The following GNG12 variants were observed in gnomAD, a reference collection of about 807,000 sequenced individuals.
The protein encoded by GNG12 is G protein subunit gamma 12.
For missense variants in GNG12, 69 were observed against 83.8 expected, an observed-to-expected ratio of 0.82 and a Z score of 0.69; for synonymous variants, 28 against 29.7, an observed-to-expected ratio of 0.94 and a Z score of 0.19.
chr1:67,750,963 C>G (rs905842340), intron 2 of GNG12, among the ~76,000 whole-genome samples: 6 of 152,162 alleles, frequency 3.9e-5, no homozygotes, highest in Admixed American at 1.3e-4. Flanking sequence ...AAAAATAACA[C>G]TAACAGGTAA....
intron 2 of GNG12, among the ~76,000 whole-genome samples, chr1:67,771,798 G>A (rs988486642): frequency 2.0e-5 from 3 of 152,218 alleles, no homozygotes; most frequent in Non-Finnish European, 2.9e-5. Context: ...TTATAATCAT[G>A]TGTATAAATA....
intron 1 of GNG12, among the ~76,000 whole-genome samples, chr1:67,826,855 A>G (rs1647013995): frequency 6.6e-6 from 1 of 152,202 alleles, no homozygotes; most frequent in South Asian, 2.1e-4. Flanking sequence ...CCCCCAAAAC[A>G]ACACAAAATT....
chr1:67,784,574 T>C (rs1646757139), intron 1 of GNG12, among the ~76,000 whole-genome samples: 2 of 152,250 alleles, frequency 1.3e-5, no homozygotes, highest in South Asian at 2.1e-4. Context: ...CATTTTTACA[T>C]GTTTGTTTAT....
chr1:67,788,658 T>C (rs577782848), intron 1 of GNG12, among the ~76,000 whole-genome samples: 1 of 152,306 alleles, frequency 6.6e-6, no homozygotes, highest in Admixed American at 6.5e-5. Flanking sequence ...ACTTTTGACA[T>C]TGAAAATCTT....
At chr1:67,744,639 C>T (rs1047914141) in intron 2 of GNG12, among the ~76,000 whole-genome samples, 2 of 152,164 alleles carry the variant, frequency 1.3e-5, no homozygotes, top group East Asian at 3.8e-4. Context: ...GGGGCAGGAG[C>T]TAGGAGGACT....
chr1:67,768,536 T>C (rs983423502), intron 2 of GNG12, among the ~76,000 whole-genome samples: 13 of 152,216 alleles, frequency 8.5e-5, no homozygotes, highest in African/African-American at 3.1e-4. Flanking sequence ...ATCATCATAA[T>C]AGTTAAATGC....
chr1:67,780,977 G>C (rs1306197955), intron 1 of GNG12, among the ~76,000 whole-genome samples: 2 of 152,130 alleles, frequency 1.3e-5, no homozygotes, highest in East Asian at 3.8e-4. Flanking sequence ...GGAGTTCCAG[G>C]ATATATTTCT....
At chr1:67,790,319 C>A (rs531477460) in intron 1 of GNG12, among the ~76,000 whole-genome samples, 1 of 152,274 alleles carries the variant, frequency 6.6e-6, no homozygotes, top group African/African-American at 2.4e-5. Flanking sequence ...TTTTTACATA[C>A]ATTCTGAACT....
chr1:67,814,838 T>C (rs1646944632), intron 1 of GNG12, among the ~76,000 whole-genome samples: 1 of 152,236 alleles, frequency 6.6e-6, no homozygotes, highest in South Asian at 2.1e-4. Context: ...TTGTACAAGT[T>C]ACTGAAGCTC....
chr1:67,732,702 GA>G (rs1395083033), intron 2 of GNG12, among the ~76,000 whole-genome samples: 15 of 152,196 alleles, frequency 9.9e-5, no homozygotes, highest in Admixed American at 6.5e-5. Flanking sequence ...AGCATAAGAG[GA>G]AACTGAGGCA....
At chr1:67,724,868 T>C (rs1646377378) in intron 2 of GNG12, among the ~76,000 whole-genome samples, 1 of 152,178 alleles carries the variant, frequency 6.6e-6, no homozygotes, top group African/African-American at 2.4e-5. Flanking sequence ...TACTTTTATA[T>C]ATGTTTGAAA....
intron 2 of GNG12, among the ~76,000 whole-genome samples, chr1:67,740,802 G>A (rs144309380): frequency 8.5e-5 from 13 of 152,292 alleles, no homozygotes; most frequent in Admixed American, 3.3e-4. Flanking sequence ...AGAAGGCACC[G>A]TGTATGAGGA....
intron 1 of GNG12, among the ~76,000 whole-genome samples, chr1:67,808,814 G>A (rs761242535): frequency 3.9e-5 from 6 of 152,126 alleles, no homozygotes; most frequent in Admixed American, 6.6e-5. Flanking sequence ...AAATGAAAGA[G>A]AGTCCATGTT....
At chr1:67,768,040 G>A (rs1240966039) in intron 2 of GNG12, among the ~76,000 whole-genome samples, 1 of 152,216 alleles carries the variant, frequency 6.6e-6, no homozygotes, top group South Asian at 2.1e-4. Flanking sequence ...GCCTACCAAT[G>A]AGCTGGGACT....
intron 2 of GNG12, among the ~76,000 whole-genome samples, chr1:67,713,065 G>C (rs750545751): frequency 1.3e-5 from 2 of 152,146 alleles, no homozygotes; most frequent in African/African-American, 4.8e-5. Context: ...ACTGACACGC[G>C]GTGACCTAAA....
chr1:67,761,885 G>A (rs1428100491), intron 2 of GNG12, among the ~76,000 whole-genome samples: 1 of 151,998 alleles, frequency 6.6e-6, no homozygotes, highest in East Asian at 1.9e-4. Flanking sequence ...TTTAATCACG[G>A]CTCCACTCCA....
At position 67,787,157 on chromosome 1, in the gene GNG12, C is replaced by T. The variant is rs1303498958; in HGVS notation, c.-76-9650G>A. ...GCTCCAGTGGCACATAATCTAATCG[C>T]AGTAAGTACAACTAACTCTGAGAAC... On this transcript the variant is annotated intron_variant, in intron 1 of 3. Coordinates refer to ENST00000370982, the MANE Select transcript of GNG12 (RefSeq NM_018841.6). Among the ~76,000 whole-genome samples the T allele has an allele frequency of 2.0e-5, 3 of 151,526 alleles. No homozygotes were observed. In the Admixed American group the frequency reaches 2.0e-4, roughly 10 times the overall value.
At chr1:67,706,541 A>C (rs1452895554) in intron 3 of GNG12, among the ~76,000 whole-genome samples, 2 of 152,224 alleles carry the variant, frequency 1.3e-5, no homozygotes, top group South Asian at 4.1e-4. Flanking sequence ...GCAATGGGGC[A>C]GCTGAGCCCT....
At chr1:67,820,144 T>C (rs1252990682) in intron 1 of GNG12, among the ~76,000 whole-genome samples, 1 of 150,650 alleles carries the variant, frequency 6.6e-6, no homozygotes, top group Non-Finnish European at 1.5e-5. Context: ...ATCCCAGCAC[T>C]TTGGGAGGCC....
Sources: allele counts gnomAD v4.1 joint callset (sites outside exome capture counted in the v4.1 genomes callset), GRCh38; gene constraint gnomAD v4.1.1; transcripts MANE v1.5; gene names NCBI Gene and HGNC (gene_info 2026-07-23, HGNC 2026-07-21).